LNPK: variants seen among roughly 807,000 people sequenced by gnomAD.
LNPK encodes the protein lunapark, ER junction formation factor, also known as endoplasmic reticulum junction formation protein lunapark.
In LNPK, 29 loss-of-function variants were observed where a neutral mutation model predicts 55.2. That is an observed-to-expected ratio of 0.53 (90% confidence interval 0.39 to 0.72). The LOEUF is 0.72. LNPK is among the 30% of genes least tolerant of loss of function. The pLI is 0.00. For synonymous variants in LNPK, 162 were observed against 168.2 expected (o/e 0.96, Z 0.29); for missense variants, 467 against 494.8 (o/e 0.94, Z 0.53).
intron 2 of LNPK, chr2:175,994,194 G>C: frequency 1.0e-6 from 1 of 981,778 alleles, no homozygotes; most frequent in Non-Finnish European, 1.2e-6. Context: ...GTTTCCATAA[G>C]AGTTGTTAAC....
Position 175,995,553 on chromosome 2 carries a change from CT to C in LNPK, c.27+4del. 6.2e-7 allele frequency: 1 copy of C among 1,607,800 alleles called. No homozygotes were observed. Among genetic ancestry groups the C allele is most frequent in the Non-Finnish European group, 8.5e-7 (1 of 1,175,588 alleles). ...AAGAACTAGCTGTAAAGAAAAGTAC[CT>C]TACCCTCCATCGAGAAAATAATCCA... On this transcript the variant is annotated splice_donor_region_variant and intron_variant, in intron 2 of 12. Coordinates refer to ENST00000272748, the MANE Select transcript of LNPK (RefSeq NM_030650.3).
intron 5 of LNPK, among the ~76,000 whole-genome samples, chr2:175,975,586 T>C (rs1026327287): frequency 2.0e-5 from 3 of 152,268 alleles, no homozygotes; most frequent in Non-Finnish European, 4.4e-5. Context: ...CATTCATCCA[T>C]TGAATTGTAA....
chr2:176,000,572 G>C (rs754588959), intron 1 of LNPK, among the ~76,000 whole-genome samples: 1 of 152,114 alleles, frequency 6.6e-6, no homozygotes, highest in Non-Finnish European at 1.5e-5. Context: ...ATTTTCTCTA[G>C]TATAAGAAAT....
rs200812351 is a variant in LNPK at position 175,964,584 on chromosome 2, T to C, written c.363A>G (p.Glu121=). 1.3e-6 allele frequency: 2 copies of C among 1,594,198 alleles called. No individual in the cohort carries two copies. Among genetic ancestry groups the C allele is most frequent in the East Asian group, 2.2e-5 (1 of 44,726 alleles). The change falls in exon 7 of 13, where the codon GAA becomes GAG. Residue 121 remains glutamate, a synonymous_variant. Coordinates refer to ENST00000272748, the MANE Select transcript of LNPK (RefSeq NM_030650.3). Reference sequence around the variant, plus strand: ...TGTAAGTTTCTTTTTCCATGACTTCTTCAAGCTACGAACAAAAATTTCCAT... The same window carrying C: ...TGTAAGTTTCTTTTTCCATGACTTCCTCAAGCTACGAACAAAAATTTCCAT... ...DLKSQRKKIL[E]EVMEKETYKT...
At chr2:175,962,936 C>T (rs1285566087) in intron 8 of LNPK, among the ~76,000 whole-genome samples, 1 of 147,926 alleles carries the variant, frequency 6.8e-6, no homozygotes, top group Non-Finnish European at 1.5e-5. Flanking sequence ...TTTATGCAGC[C>T]AAAAAACACA....
At chr2:175,947,793 A>C (rs188729358) in intron 8 of LNPK, 101 bp from the exon 9 acceptor site, 5 of 682,388 alleles carry the variant, frequency 7.3e-6, no homozygotes, top group Non-Finnish European at 1.2e-5. Context: ...CCCAAAAGGC[A>C]TTGTAGTGTC....
At chr2:175,982,144 A>G (rs1687201664) in intron 4 of LNPK, among the ~76,000 whole-genome samples, 1 of 152,150 alleles carries the variant, frequency 6.6e-6, no homozygotes, top group Non-Finnish European at 1.5e-5. Flanking sequence ...CCGCAATAAT[A>G]AAAAAGTCTC....
Position 175,938,351 on chromosome 2 carries a change from T to C in LNPK, c.845A>G (p.His282Arg). 3.1e-6 allele frequency: 5 copies of C among 1,603,152 alleles called. No individual in the cohort carries two copies. The highest frequency in any genetic ancestry group is 4.3e-6 in the Non-Finnish European group (5 of 1,171,514). The change falls in exon 11 of 13, where the codon CAT becomes CGT. Residue 282 changes from histidine to arginine, a missense_variant. Coordinates refer to ENST00000272748, the MANE Select transcript of LNPK (RefSeq NM_030650.3). ...TTCTTCCTTCAAAGCCATGCCATTA[T>C]GAGAAAAACACTGCTGACATATAAG... ...YALICQQCFS[H>R]NGMALKEEFE...
Position 175,970,815 on chromosome 2 carries a change from A to G in LNPK, c.317-11T>C, listed in dbSNP as rs1400388670. 1 of 1,411,686 alleles carries G rather than the reference A, an allele frequency of 7.1e-7. No individual in the cohort carries two copies. The highest frequency in any genetic ancestry group is 9.5e-7 in the Non-Finnish European group (1 of 1,056,980). The allele number at this position is 1,411,686 out of a possible 1,614,324, so 87.4% of individuals were successfully genotyped here. A position where few individuals can be genotyped will look rare whatever the true frequency, so the allele number is the denominator to read the frequency against. Reference sequence around the variant, plus strand: ...CATCCAATGCTTCATCTAGAAAGCAAGATTTAAATCAAAGATTAAGATATT... The same window carrying G: ...CATCCAATGCTTCATCTAGAAAGCAGGATTTAAATCAAAGATTAAGATATT... On this transcript the variant is annotated splice_polypyrimidine_tract_variant and intron_variant, in intron 5 of 12. Coordinates refer to ENST00000272748, the MANE Select transcript of LNPK (RefSeq NM_030650.3).
chr2:175,933,747 T>TC (rs888128127), intron 12 of LNPK, among the ~76,000 whole-genome samples: 28 of 150,560 alleles, frequency 1.9e-4, no homozygotes, highest in Admixed American at 1.5e-3. Context: ...TTTTTTTTTT[T>TC]TTGAGACAGA....
chr2:175,987,569 T>C (rs911577571), intron 4 of LNPK, among the ~76,000 whole-genome samples: 1 of 152,106 alleles, frequency 6.6e-6, no homozygotes, highest in Non-Finnish European at 1.5e-5. Flanking sequence ...ATATACCTAA[T>C]GTTAAATGAC....
chr2:175,931,928 T>C (rs1559021974), intron 12 of LNPK, among the ~76,000 whole-genome samples: 2 of 152,194 alleles, frequency 1.3e-5, no homozygotes, highest in Non-Finnish European at 2.9e-5. Flanking sequence ...CAAGACAGAA[T>C]GTTAAGCGTC....
chr2:175,940,322 A>G (rs1684768288), intron 9 of LNPK, among the ~76,000 whole-genome samples: 1 of 151,826 alleles, frequency 6.6e-6, no homozygotes, highest in Non-Finnish European at 1.5e-5. Context: ...AAGGGTACCA[A>G]GCAGGAGAGA....
At position 175,926,790 on chromosome 2, in the gene LNPK, AGAGAT is replaced by A. The variant is rs1285616012; in HGVS notation, c.*3172_*3176del. 8.7e-6 allele frequency: 1 copy of A among 114,628 alleles called. No homozygotes were observed. Among genetic ancestry groups the A allele is most frequent in the Non-Finnish European group, 2.1e-5 (1 of 47,104 alleles). The allele number at this position is 114,628 out of a possible 1,614,324, so 7.1% of individuals were successfully genotyped here. ...AATTGACAGCTTGAATAAAGGGAAAAGAGATGAGTTTACAGCTTCTGGCTTAGAGA... is the reference window on the plus strand; with the variant it reads ...AATTGACAGCTTGAATAAAGGGAAAAGAGTTTACAGCTTCTGGCTTAGAGA... On this transcript the variant is annotated 3_prime_UTR_variant, in exon 13 of 13. Coordinates refer to ENST00000272748, the MANE Select transcript of LNPK (RefSeq NM_030650.3).
At position 175,928,139 on chromosome 2, in the gene LNPK, C is replaced by T. The variant is rs542853372; in HGVS notation, c.*1828G>A. On this transcript the variant is annotated 3_prime_UTR_variant, in exon 13 of 13. Coordinates refer to ENST00000272748, the MANE Select transcript of LNPK (RefSeq NM_030650.3). Reference sequence around the variant, plus strand: ...ATCTATGTATTTATATACATACATACAATATAGAAAAGTTGATGCAAAAAA... The same window carrying T: ...ATCTATGTATTTATATACATACATATAATATAGAAAAGTTGATGCAAAAAA... 17 of 152,090 alleles carry T rather than the reference C, an allele frequency of 1.1e-4. No individual in the cohort carries two copies. Among genetic ancestry groups the T allele is most frequent in the African/African-American group, 4.1e-4 (17 of 41,494 alleles). 9.4% of individuals were successfully genotyped at this position (152,090 alleles called of 1,614,324 possible).
chr2:175,983,804 TAAAA>T (rs1207640628), intron 4 of LNPK, among the ~76,000 whole-genome samples: 4 of 145,810 alleles, frequency 2.7e-5, no homozygotes, highest in African/African-American at 1.0e-4. Flanking sequence ...ATTATAAAGT[TAAAA>T]AAAAAAATGT....
intron 5 of LNPK, among the ~76,000 whole-genome samples, chr2:175,975,376 C>T (rs139499919): frequency 1.3e-5 from 2 of 152,256 alleles, no homozygotes; most frequent in African/African-American, 2.4e-5. Flanking sequence ...TATAACACTT[C>T]GCAATTTTTA....
intron 12 of LNPK, chr2:175,932,097 T>C: frequency 4.5e-6 from 2 of 444,992 alleles, no homozygotes; most frequent in East Asian, 7.0e-5. Flanking sequence ...CCAATAAACA[T>C]GTTTAAGTGA....
chr2:175,964,020 A>T (rs1330750371), intron 8 of LNPK, among the ~76,000 whole-genome samples: 2 of 152,178 alleles, frequency 1.3e-5, no homozygotes, highest in Non-Finnish European at 2.9e-5. Flanking sequence ...TTCAAAAATA[A>T]AACATAAAAA....
Sources: gnomAD v4.1 joint callset for allele counts (sites outside exome capture counted in the v4.1 genomes callset) on GRCh38, gnomAD v4.1.1 for gene constraint, MANE v1.5 for transcripts, NCBI Gene and HGNC (gene_info 2026-07-23, HGNC 2026-07-21) for gene names.